The following MRPL18 variants were observed in gnomAD, a reference collection of about 807,000 sequenced individuals.
MRPL18 encodes large ribosomal subunit protein uL18m.
MRPL18 carries 16 observed loss-of-function variants against 20.9 expected under a neutral mutation model. The ratio of observed to expected loss-of-function variants is 0.76; its 90% CI spans 0.52 to 1.16. The LOEUF is 1.16. MRPL18 is among the 50% of genes most tolerant of loss of function. MRPL18 has a pLI of 0.00. For missense variants in MRPL18, 233 were observed against 230.6 expected (o/e 1.01, Z -0.07); for synonymous variants, 91 against 87.1 (o/e 1.04, Z -0.25).
chr6:159,790,702 G>T (rs545534864), intron 1 of MRPL18, 63 bp downstream of exon 1: 11 of 1,587,458 alleles, frequency 6.9e-6, no homozygotes, highest in Non-Finnish European at 9.5e-6. Context: ...ACATTGGAAC[G>T]TGCGGGTTCT....
At chr6:159,790,784 C>CG (rs746025768) in intron 1 of MRPL18, 145 bp downstream of exon 1, 7 of 1,372,900 alleles carry the variant, frequency 5.1e-6, no homozygotes. Flanking sequence ...AAGTTAAGGA[C>CG]GGGGTCAGTG....
At chr6:159,796,648 GTGGCATGCACC>G (rs1369075697) in intron 2 of MRPL18, among the ~76,000 whole-genome samples, 1 of 152,160 alleles carries the variant, frequency 6.6e-6, no homozygotes, top group African/African-American at 2.4e-5. Flanking sequence ...TCTTGGTGCA[GTGGCATGCACC>G]TGTAATGCCA....
intron 3 of MRPL18, 90 bp downstream of exon 3, chr6:159,797,608 C>A: frequency 2.5e-6 from 3 of 1,217,160 alleles, no homozygotes; most frequent in East Asian, 2.4e-5. Context: ...TTTTACTTAC[C>A]AAATACTTTC....
chr6:159,794,244 G>A (rs150053283), intron 2 of MRPL18, among the ~76,000 whole-genome samples: 68 of 152,208 alleles, frequency 4.5e-4, no homozygotes, highest in African/African-American at 1.4e-3. Context: ...CCCCAAGCAC[G>A]CACTTAAAAA....
intron 2 of MRPL18, among the ~76,000 whole-genome samples, chr6:159,795,888 A>G (rs549483245): frequency 1.3e-5 from 2 of 152,110 alleles, no homozygotes; most frequent in African/African-American, 2.4e-5. Context: ...GGCTCAAACA[A>G]TCTTCCCACC....
intron 2 of MRPL18, among the ~76,000 whole-genome samples, chr6:159,792,772 G>C (rs1029475196): frequency 4.6e-5 from 7 of 152,106 alleles, no homozygotes; most frequent in African/African-American, 1.7e-4. Flanking sequence ...TGAGTGGCTG[G>C]GACTAGAGGC....
intron 2 of MRPL18, among the ~76,000 whole-genome samples, chr6:159,795,561 G>A (rs1781011238): frequency 6.6e-6 from 1 of 152,144 alleles, no homozygotes; most frequent in Non-Finnish European, 1.5e-5. Context: ...GAGAGCAGGG[G>A]GTTGGGGGTA....
intron 2 of MRPL18, among the ~76,000 whole-genome samples, chr6:159,796,690 A>C (rs915154107): frequency 6.6e-6 from 1 of 152,120 alleles, no homozygotes; most frequent in African/African-American, 2.4e-5. Flanking sequence ...AGACTAAGGC[A>C]GGAGGGTTGC....
In MRPL18 at chr6:159,795,643, T is replaced by TCTA. The variant is rs1781012926; in HGVS notation, c.240-1641_240-1639dup. The stretch of plus-strand genomic sequence containing the variant: ...ACAGAACAAAATGGAGTCTCCTATG[T>TCTA]CTACTTCTTTCTACACAGACAGTAA... On this transcript the variant is annotated intron_variant, in intron 2 of 3. Transcript: ENST00000367034. 2.0e-5 allele frequency among the ~76,000 whole-genome samples: 3 copies of TCTA among 152,210 alleles called. No individual in the cohort carries two copies. The South Asian group carries it at 6.2e-4, about 31-fold the overall frequency.
chr6:159,793,375 TAAA>T (rs58471961), intron 2 of MRPL18, among the ~76,000 whole-genome samples: 1 of 150,286 alleles, frequency 6.7e-6, no homozygotes, highest in Non-Finnish European at 1.5e-5. Flanking sequence ...TTTTTTAAGT[TAAA>T]AAAAAAATCA....
intron 2 of MRPL18, among the ~76,000 whole-genome samples, chr6:159,794,478 T>G (rs191883757): frequency 6.6e-6 from 1 of 152,362 alleles, no homozygotes; most frequent in East Asian, 1.9e-4. Flanking sequence ...TACTAAGTGC[T>G]CAGTAAATGT....
chr6:159,789,834 G>C (rs1780814359), upstream of MRPL18: 1 of 327,112 alleles, frequency 3.1e-6, no homozygotes, highest in Admixed American at 3.9e-5. Context: ...TTGAACCTTC[G>C]CCTCAAACGA....
intron 2 of MRPL18, among the ~76,000 whole-genome samples, chr6:159,795,159 G>A (rs1288617169): frequency 1.3e-5 from 2 of 152,178 alleles, no homozygotes; most frequent in African/African-American, 2.4e-5. Flanking sequence ...ACGTACAATC[G>A]GGTTTTATAC....
intron 2 of MRPL18, among the ~76,000 whole-genome samples, chr6:159,796,271 G>A (rs1179557312): frequency 6.6e-6 from 1 of 151,668 alleles, no homozygotes; most frequent in Non-Finnish European, 1.5e-5. Context: ...CTTGAGCTTA[G>A]GAGTTTGAGA....
chr6:159,790,816 AC>A (rs1780861984), intron 1 of MRPL18, 123 bp from the exon 2 acceptor site: 10 of 1,388,960 alleles, frequency 7.2e-6, no homozygotes, highest in Non-Finnish European at 9.8e-6. Context: ...CTGTGGGCAT[AC>A]GTATTTTTCG....
Position 159,790,575 on chromosome 6 carries a change from G to T in MRPL18, c.-13G>T. 6.2e-7 allele frequency: 1 copy of T among 1,612,762 alleles called. No homozygotes were observed. Among genetic ancestry groups the T allele is most frequent in the South Asian group, 1.1e-5 (1 of 90,948 alleles). On this transcript the variant is annotated 5_prime_UTR_variant, in exon 1 of 4. Coordinates refer to ENST00000367034, the MANE Select transcript of MRPL18 (RefSeq NM_014161.5). ...GGAAAAAGAGGCGAGGCTTTTCCGA[G>T]ATCGTCTCAGCGATGGCGCTTCGGT...
At position 159,798,266 on chromosome 6, in the gene MRPL18, A is replaced by ATCC. The variant is rs1166230845; in HGVS notation, c.*150_*152dup. On this transcript the variant is annotated 3_prime_UTR_variant, in exon 4 of 4. Coordinates refer to ENST00000367034, the MANE Select transcript of MRPL18 (RefSeq NM_014161.5). Reference sequence around the variant, plus strand: ...TGGAATATTATTTGTAGTTAAGGTCATCCTCCTCCCCTTTCTGTTTTTTTA... The same window carrying ATCC: ...TGGAATATTATTTGTAGTTAAGGTCATCCTCCTCCTCCCCTTTCTGTTTTTTTA... The ATCC allele has an allele frequency of 5.0e-6, 3 of 602,698 alleles. No homozygotes were observed. Among genetic ancestry groups the ATCC allele is most frequent in the Non-Finnish European group, 8.4e-6 (3 of 356,258 alleles). 37.3% of individuals were successfully genotyped at this position (602,698 alleles called of 1,614,324 possible).
rs1367156489 is a variant in MRPL18, at chr6:159,791,052, C to T, written c.165C>T (p.Asn55=). 4 of 1,614,184 alleles carry T rather than the reference C, an allele frequency of 2.5e-6. No individual in the cohort carries two copies. Among genetic ancestry groups the T allele is most frequent in the Admixed American group, 1.7e-5 (1 of 60,024 alleles). The part of the protein sequence containing the change: ...APEFTNRNPR[N]LELLSVARKE... Reference sequence around the variant, plus strand: ...AATTCACCAACCGGAACCCCCGGAACCTGGAGCTTTTATCTGTAGCCAGGA... The same window carrying T: ...AATTCACCAACCGGAACCCCCGGAATCTGGAGCTTTTATCTGTAGCCAGGA... The change falls in exon 2 of 4, where the codon AAC becomes AAT. Residue 55 remains asparagine, a synonymous_variant. Coordinates refer to ENST00000367034, the MANE Select transcript of MRPL18 (RefSeq NM_014161.5).
At chr6:159,797,549 G>GGT in intron 3 of MRPL18, 31 bp downstream of exon 3, 3 of 1,586,020 alleles carry the variant, frequency 1.9e-6, no homozygotes, top group Non-Finnish European at 2.6e-6. Context: ...TTATTGAAAA[G>GGT]GTATTGTGTT....
Sources: allele counts gnomAD v4.1 joint callset (sites outside exome capture counted in the v4.1 genomes callset), GRCh38; gene constraint gnomAD v4.1.1; transcripts MANE v1.5; gene names NCBI Gene and HGNC (gene_info 2026-07-23, HGNC 2026-07-21).